PACSIN2: variants seen among roughly 807,000 people sequenced by gnomAD.
PACSIN2 encodes protein kinase C and casein kinase substrate in neurons protein 2.
Under a neutral mutation model 63.8 loss-of-function variants are expected in PACSIN2, and 25 were observed. The observed-to-expected ratio is 0.39, with a 90% CI of 0.29 to 0.55. PACSIN2 has a LOEUF of 0.55. Ranked by LOEUF, PACSIN2 falls within the 20% of genes least tolerant of loss-of-function variation. PACSIN2 has a pLI of 0.62. For missense variants in PACSIN2, 518 were observed against 646.9 expected, an observed-to-expected ratio of 0.80 and a Z score of 2.16; for synonymous variants, 255 against 256.2, an observed-to-expected ratio of 1.00 and a Z score of 0.05.
intron 2 of PACSIN2, among the ~76,000 whole-genome samples, chr22:42,903,267 G>A (rs1468995325): frequency 2.3e-4 from 35 of 152,326 alleles, no homozygotes; most frequent in Non-Finnish European, 1.5e-4. Context: ...GAGGGTGTGC[G>A]TGTGCCTGGC....
intron 1 of PACSIN2, among the ~76,000 whole-genome samples, chr22:42,968,790 G>A (rs779974194): frequency 1.3e-5 from 2 of 152,122 alleles, no homozygotes; most frequent in Non-Finnish European, 2.9e-5. Context: ...TCCTGCCTTG[G>A]GCCACGGAAC....
intron 1 of PACSIN2, among the ~76,000 whole-genome samples, chr22:42,993,157 A>C (rs1445450941): frequency 6.6e-6 from 1 of 152,028 alleles, no homozygotes; most frequent in South Asian, 2.1e-4. Flanking sequence ...CTAGCAACAG[A>C]ACAAGACTCC....
At chr22:42,878,265 C>G (rs1341103651) in intron 8 of PACSIN2, among the ~76,000 whole-genome samples, 1 of 152,254 alleles carries the variant, frequency 6.6e-6, no homozygotes, top group East Asian at 1.9e-4. Flanking sequence ...CCGAGCCCAC[C>G]TGCCCAGACA....
intron 1 of PACSIN2, among the ~76,000 whole-genome samples, chr22:42,979,700 C>A (rs1921948794): frequency 6.6e-6 from 1 of 152,102 alleles, no homozygotes; most frequent in Non-Finnish European, 1.5e-5. Context: ...CTTAAGGCAC[C>A]TGCCGCTTTC....
chr22:42,956,553 C>A (rs1019166320), intron 1 of PACSIN2, among the ~76,000 whole-genome samples: 8 of 152,212 alleles, frequency 5.3e-5, no homozygotes, highest in Non-Finnish European at 8.8e-5. Flanking sequence ...TCTCACCATA[C>A]TGACACACAC....
intron 1 of PACSIN2, among the ~76,000 whole-genome samples, chr22:42,943,451 C>T (rs1933268123): frequency 1.3e-5 from 2 of 152,150 alleles, no homozygotes; most frequent in Admixed American, 6.5e-5. Context: ...TGAGAACAGA[C>T]ATCAAGGTCC....
rs558173302 is a variant in PACSIN2 at position 43,013,982 on chromosome 22, C to T, written c.-78+1039G>A. Among the ~76,000 whole-genome samples, 69 of 152,276 alleles carry T rather than the reference C, an allele frequency of 4.5e-4. 1 individual carries two copies. The highest frequency in any genetic ancestry group is 1.5e-3 in the African/African-American group (62 of 41,558). ...AGTGGCATCCCCAGGTCCTGTTATA[C>T]GTCAAAGGCTGCAGCCGTGTGGGCC... On this transcript the variant is annotated intron_variant, in intron 1 of 10. Coordinates refer to ENST00000263246, the MANE Select transcript of PACSIN2 (RefSeq NM_001184970.3).
intron 5 of PACSIN2, among the ~76,000 whole-genome samples, chr22:42,886,641 A>AT (rs1929508935): frequency 6.6e-6 from 1 of 152,012 alleles, no homozygotes; most frequent in East Asian, 1.9e-4. Context: ...AAGTTTTTAA[A>AT]TTTTTTGTAG....
intron 1 of PACSIN2, among the ~76,000 whole-genome samples, chr22:42,926,673 A>G (rs201893515): frequency 1.1e-5 from 1 of 87,974 alleles, no homozygotes; most frequent in African/African-American, 1.2e-4. Flanking sequence ...TTCCCACAGG[A>G]AAAAAAAAAA....
chr22:42,956,075 T>C (rs1933904319), intron 1 of PACSIN2, among the ~76,000 whole-genome samples: 2 of 152,268 alleles, frequency 1.3e-5, no homozygotes, highest in Non-Finnish European at 2.9e-5. Context: ...AAAATCATTC[T>C]TCCTTGTTCT....
At chr22:42,876,010 G>A in intron 10 of PACSIN2, 127 bp downstream of exon 10, 2 of 737,276 alleles carry the variant, frequency 2.7e-6, no homozygotes, top group Non-Finnish European at 2.2e-6. Context: ...GGGCACTGGG[G>A]AAGGGCCTGC....
At chr22:42,892,756 G>A (rs1349777627) in intron 3 of PACSIN2, among the ~76,000 whole-genome samples, 1 of 152,204 alleles carries the variant, frequency 6.6e-6, no homozygotes, top group Admixed American at 6.5e-5. Context: ...TGGCTCCCCT[G>A]ATTGGCTGAG....
At chr22:42,961,683 G>A (rs1342334491) in intron 1 of PACSIN2, among the ~76,000 whole-genome samples, 1 of 152,124 alleles carries the variant, frequency 6.6e-6, no homozygotes, top group Non-Finnish European at 1.5e-5. Context: ...TGAGGCACGA[G>A]AATCGCTTGA....
intron 2 of PACSIN2, among the ~76,000 whole-genome samples, chr22:42,897,686 T>G (rs926739271): frequency 6.6e-6 from 1 of 152,236 alleles, no homozygotes; most frequent in East Asian, 1.9e-4. Context: ...GGGCCAAGCA[T>G]GTACCTACTG....
At chr22:42,906,009 G>C (rs1931050251) in intron 2 of PACSIN2, among the ~76,000 whole-genome samples, 1 of 152,214 alleles carries the variant, frequency 6.6e-6, no homozygotes, top group African/African-American at 2.4e-5. Context: ...CCAGGCCCTG[G>C]CAACACCAGC....
intron 1 of PACSIN2, among the ~76,000 whole-genome samples, chr22:42,942,508 G>GT (rs897424965): frequency 6.6e-6 from 1 of 151,626 alleles, no homozygotes; most frequent in Middle Eastern, 3.2e-3. Context: ...TTTTTTAAAC[G>GT]TTTTTTTAAT....
rs762373695 is a variant in PACSIN2, at chr22:42,893,632, T to C, written c.61-19A>G. 1 of 1,607,716 alleles carries C rather than the reference T, an allele frequency of 6.2e-7. No individual in the cohort carries two copies. The highest frequency in any genetic ancestry group is 8.5e-7 in the Non-Finnish European group (1 of 1,175,044). The stretch of plus-strand genomic sequence containing the variant: ...TCCCGACCTAGGAGAGAGAACCAGC[T>C]GGGAGGCAGGGGGCTTGGGGCAGCC... On this transcript the variant is annotated intron_variant, in intron 2 of 10. Coordinates refer to ENST00000263246, the MANE Select transcript of PACSIN2 (RefSeq NM_001184970.3).
At chr22:43,001,961 C>T (rs1227640940) in intron 1 of PACSIN2, among the ~76,000 whole-genome samples, 1 of 152,148 alleles carries the variant, frequency 6.6e-6, no homozygotes, top group East Asian at 1.9e-4. Flanking sequence ...CAGGACACCA[C>T]TCAGTCTGAG....
chr22:42,876,804 C>A, intron 9 of PACSIN2, 84 bp downstream of exon 9: 1 of 1,567,584 alleles, frequency 6.4e-7, no homozygotes, highest in South Asian at 1.1e-5. Flanking sequence ...TGCCGAGTGC[C>A]GAGGGGTGAG....
Sources: allele counts gnomAD v4.1 joint callset (sites outside exome capture counted in the v4.1 genomes callset), GRCh38; gene constraint gnomAD v4.1.1; transcripts MANE v1.5; gene names NCBI Gene and HGNC (gene_info 2026-07-23, HGNC 2026-07-21).